Variants in KCNG3 observed in about 807,000 individuals in gnomAD.
The protein encoded by KCNG3 is potassium voltage-gated channel modifier subfamily G member 3, also known as voltage-gated potassium channel regulatory subunit KCNG3.
KCNG3 carries 15 observed loss-of-function variants against 29.0 expected under a neutral mutation model. The observed-to-expected ratio is 0.52, with a 90% CI of 0.35 to 0.80. KCNG3 has a LOEUF of 0.80. KCNG3 is among the 30% of genes least tolerant of loss of function. KCNG3 has a pLI of 0.01. For synonymous variants in KCNG3, 322 were observed against 248.9 expected (o/e 1.29, Z -2.76); for missense variants, 512 against 605.7 (o/e 0.85, Z 1.62).
the KCNG3 span, among the ~76,000 whole-genome samples, chr2:42,391,922 T>C: frequency 6.6e-6 from 1 of 152,180 alleles, no homozygotes; most frequent in African/African-American, 2.4e-5. Flanking sequence ...ATATCTCTTG[T>C]CTTTGATGAA....
At chr2:42,439,275 T>A (rs932666391), downstream of KCNG3, among the ~76,000 whole-genome samples, 2 of 151,240 alleles carry the variant, frequency 1.3e-5, no homozygotes, top group Non-Finnish European at 2.9e-5. Context: ...ATGATTTTTT[T>A]GAGAGAGAGA....
the KCNG3 span, among the ~76,000 whole-genome samples, chr2:42,419,818 G>A: frequency 3.9e-5 from 6 of 152,240 alleles, no homozygotes; most frequent in African/African-American, 1.4e-4. Context: ...ATGTGCATCA[G>A]GGTTAAATCG....
the KCNG3 span, chr2:42,424,688 A>C: frequency 3.8e-4 from 58 of 152,352 alleles, no homozygotes; most frequent in Middle Eastern, 3.4e-3. Context: ...TTAATAGCAC[A>C]TAAGTGTTAC....
chr2:42,436,621 T>A, the KCNG3 span, among the ~76,000 whole-genome samples: 2 of 152,148 alleles, frequency 1.3e-5, no homozygotes, highest in Non-Finnish European at 2.9e-5. Flanking sequence ...CTCACTTGTG[T>A]GGGATTAAAC....
chr2:42,452,244 T>TATATATATATATATA (rs1491559721), intron 1 of KCNG3, among the ~76,000 whole-genome samples: 35 of 57,000 alleles, frequency 6.1e-4, no homozygotes, highest in South Asian at 1.4e-3. Flanking sequence ...TATATATATA[T>TATATATATATATATA]TTTTTTTTTT....
At chr2:42,391,291 A>AC in the KCNG3 span, among the ~76,000 whole-genome samples, 18 of 152,186 alleles carry the variant, frequency 1.2e-4, no homozygotes, top group African/African-American at 4.3e-4. Flanking sequence ...TGACCAGAAG[A>AC]CAAGCCCCTA....
chr2:42,396,617 C>T, the KCNG3 span, among the ~76,000 whole-genome samples: 1 of 152,090 alleles, frequency 6.6e-6, no homozygotes, highest in Admixed American at 6.6e-5. Flanking sequence ...CTGGGGAGAA[C>T]CAGTTCAAGA....
At chr2:42,388,522 G>C in the KCNG3 span, 1 of 152,332 alleles carries the variant, frequency 6.6e-6, no homozygotes, top group South Asian at 2.1e-4. Flanking sequence ...TCTCACAGTT[G>C]AGTTCTGGGG....
chr2:42,447,680 A>C (rs1672635883), intron 1 of KCNG3, among the ~76,000 whole-genome samples: 1 of 151,874 alleles, frequency 6.6e-6, no homozygotes, highest in Non-Finnish European at 1.5e-5. Flanking sequence ...ACACTTGGTT[A>C]ATTTTTTTTC....
intron 1 of KCNG3, among the ~76,000 whole-genome samples, chr2:42,452,699 C>G (rs1672790333): frequency 6.6e-6 from 1 of 151,948 alleles, no homozygotes; most frequent in African/African-American, 2.4e-5. Flanking sequence ...ATGGCAGGAC[C>G]TCATTCTTTT....
At chr2:42,396,327 C>G in the KCNG3 span, among the ~76,000 whole-genome samples, 10 of 152,320 alleles carry the variant, frequency 6.6e-5, no homozygotes, top group South Asian at 2.1e-3. Flanking sequence ...CTAAAAATCT[C>G]AGGAAAAATA....
intron 1 of KCNG3, among the ~76,000 whole-genome samples, chr2:42,459,111 G>A (rs1163696977): frequency 2.0e-5 from 3 of 151,264 alleles, no homozygotes; most frequent in Admixed American, 2.0e-4. Flanking sequence ...CAGGAGAATC[G>A]CTTGAACCCG....
chr2:42,449,496 GT>G (rs1304007758), intron 1 of KCNG3, among the ~76,000 whole-genome samples: 2 of 139,462 alleles, frequency 1.4e-5, no homozygotes, highest in Non-Finnish European at 3.1e-5. Flanking sequence ...CTGCTGTTGT[GT>G]TAAGCCACTG....
At chr2:42,440,185 A>G (rs545226770), downstream of KCNG3, among the ~76,000 whole-genome samples, 1 of 152,298 alleles carries the variant, frequency 6.6e-6, no homozygotes, top group East Asian at 1.9e-4. Context: ...CACAACCCCT[A>G]GTTCCAACTT....
chr2:42,445,997 G>A (rs1437874274), intron 1 of KCNG3, among the ~76,000 whole-genome samples: 1 of 151,910 alleles, frequency 6.6e-6, no homozygotes. Flanking sequence ...GAAGTGTCGG[G>A]ATTACAGCCA....
intron 1 of KCNG3, among the ~76,000 whole-genome samples, chr2:42,448,267 G>C (rs1287982693): frequency 6.6e-6 from 1 of 152,140 alleles, no homozygotes; most frequent in Non-Finnish European, 1.5e-5. Flanking sequence ...AATGATTCCA[G>C]AGCCTTTGCC....
downstream of KCNG3, among the ~76,000 whole-genome samples, chr2:42,438,903 T>G (rs1672421508): frequency 6.6e-6 from 1 of 151,026 alleles, no homozygotes; most frequent in South Asian, 2.1e-4. Context: ...AATCAGGAAG[T>G]GAAACACCAT....
chr2:42,420,465 C>G, the KCNG3 span, among the ~76,000 whole-genome samples: 1 of 152,046 alleles, frequency 6.6e-6, no homozygotes, highest in African/African-American at 2.4e-5. Flanking sequence ...TCATCATTGC[C>G]CTTCCTCAAC....
chr2:42,489,203 G>C (rs1673811177), intron 1 of KCNG3, among the ~76,000 whole-genome samples: 1 of 151,890 alleles, frequency 6.6e-6, no homozygotes, highest in African/African-American at 2.4e-5. Flanking sequence ...CACCACGCCT[G>C]GCCTGTGAGA....
Sources: allele counts gnomAD v4.1 joint callset (sites outside exome capture counted in the v4.1 genomes callset), GRCh38; gene constraint gnomAD v4.1.1; transcripts MANE v1.5; gene names NCBI Gene and HGNC (gene_info 2026-07-23, HGNC 2026-07-21).